COL4A3: variants seen among roughly 807,000 people sequenced by gnomAD.
COL4A3 encodes the protein collagen type IV alpha 3 chain.
COL4A3 carries 135 observed loss-of-function variants against 217.4 expected under a neutral mutation model. The observed-to-expected ratio is 0.62, with a 90% CI of 0.54 to 0.72. COL4A3 has a LOEUF of 0.72. COL4A3 is among the 30% of genes least tolerant of loss of function. The pLI, the probability that COL4A3 is intolerant of heterozygous loss-of-function variation, is 0.00. For synonymous variants in COL4A3, 690 were observed against 736.3 expected (o/e 0.94, Z 1.02); for missense variants, 1,868 against 2,119.9 (o/e 0.88, Z 2.33).
chr2:227,283,049 T>C lies in COL4A3; in HGVS notation c.2656+517T>C, dbSNP rs547272935. Among the ~76,000 whole-genome samples the C allele has an allele frequency of 1.2e-4, 19 of 152,370 alleles. No homozygotes were observed. The South Asian group carries it at 3.9e-3, about 32-fold the overall frequency. ...TGACTAATTCAATCTCTTCATTTCT[T>C]ATAGGTATATTCAGGTTTTCTATTT... On this transcript the variant is annotated intron_variant, in intron 32 of 51. Coordinates refer to ENST00000396578, the MANE Select transcript of COL4A3 (RefSeq NM_000091.5).
chr2:227,270,416 T>C (rs760554777), intron 24 of COL4A3, among the ~76,000 whole-genome samples: 9 of 152,190 alleles, frequency 5.9e-5, no homozygotes, highest in Non-Finnish European at 8.8e-5. Context: ...TTGACTGTCA[T>C]AGTGAATCAA....
rs577049888 is a variant in COL4A3, at chr2:227,236,807, C to T, written c.88-1161C>T. Among the ~76,000 whole-genome samples the T allele has an allele frequency of 1.5e-3, 224 of 152,032 alleles. 1 individual carries two copies. Among genetic ancestry groups the T allele is most frequent in the Non-Finnish European group, 2.0e-3 (136 of 67,990 alleles). ...CTGGAGTAGCTGGAATTACAGGAGC[C>T]CACCACCACACCCAGCTGATTTTTA... On this transcript the variant is annotated intron_variant, in intron 1 of 51. Transcript: ENST00000396578.
chr2:227,279,732 C>T, intron 28 of COL4A3, 61 bp from the exon 29 acceptor site: 1 of 1,172,290 alleles, frequency 8.5e-7, no homozygotes, highest in Non-Finnish European at 1.2e-6. Context: ...AAGAGAGTTA[C>T]TGCTCAGAAT....
chr2:227,288,514 A>G (rs531495763), intron 34 of COL4A3, among the ~76,000 whole-genome samples: 1 of 152,332 alleles, frequency 6.6e-6, no homozygotes, highest in South Asian at 2.1e-4. Flanking sequence ...TTCAAATCCA[A>G]GTGTTATTAA....
At chr2:227,181,011 T>C (rs1053781428) in intron 1 of COL4A3, among the ~76,000 whole-genome samples, 1 of 152,182 alleles carries the variant, frequency 6.6e-6, no homozygotes, top group South Asian at 2.1e-4. Flanking sequence ...GATTAAAAAA[T>C]GAGCAGAGTA....
chr2:227,203,261 ATATATGTG>A (rs1264469280), intron 1 of COL4A3, among the ~76,000 whole-genome samples: 5 of 32,932 alleles, frequency 1.5e-4, no homozygotes, highest in Non-Finnish European at 3.8e-4. Flanking sequence ...GTATATATAC[ATATATGTG>A]TATATATGTG....
chr2:227,257,733 CTG>C (rs2070279718), intron 18 of COL4A3, 89 bp downstream of exon 18: 2 of 1,131,868 alleles, frequency 1.8e-6, no homozygotes, highest in Non-Finnish European at 1.3e-6. Flanking sequence ...CTCTCATTAA[CTG>C]TGTGAGAGAG....
chr2:227,261,223 C>A, intron 20 of COL4A3, 106 bp downstream of exon 20: 1 of 1,041,876 alleles, frequency 9.6e-7, no homozygotes, highest in Non-Finnish European at 1.5e-6. Flanking sequence ...GTTTCATTAA[C>A]TGATCTAGAA....
chr2:227,305,760 G>T (rs1410202397), intron 47 of COL4A3: 2 of 152,004 alleles, frequency 1.3e-5, no homozygotes, highest in South Asian at 2.1e-4. Context: ...CTGAACATAT[G>T]CTGTATGTGT....
At chr2:227,247,330 T>G (rs1039551318) in intron 7 of COL4A3, among the ~76,000 whole-genome samples, 3 of 152,056 alleles carry the variant, frequency 2.0e-5, no homozygotes, top group African/African-American at 7.2e-5. Context: ...GATTTGGAAC[T>G]GAGGAATGGG....
At chr2:227,181,355 G>C (rs2065862477) in intron 1 of COL4A3, among the ~76,000 whole-genome samples, 3 of 152,180 alleles carry the variant, frequency 2.0e-5, no homozygotes, top group Admixed American at 2.0e-4. Context: ...ACTTATGTGT[G>C]ATGCACTCTT....
At chr2:227,225,074 G>A (rs1274478060) in intron 1 of COL4A3, among the ~76,000 whole-genome samples, 1 of 152,124 alleles carries the variant, frequency 6.6e-6, no homozygotes, top group African/African-American at 2.4e-5. Flanking sequence ...ACCATGCCTG[G>A]CTAATTTTTT....
intron 4 of COL4A3, 35 bp downstream of exon 4, chr2:227,244,399 A>C (rs751832791): frequency 1.3e-6 from 2 of 1,595,770 alleles, no homozygotes; most frequent in Admixed American, 3.3e-5. Flanking sequence ...TGATCGTTAA[A>C]AGATCAGCTT....
chr2:227,201,024 C>T (rs2066665693), intron 1 of COL4A3, among the ~76,000 whole-genome samples: 1 of 152,128 alleles, frequency 6.6e-6, no homozygotes, highest in African/African-American at 2.4e-5. Flanking sequence ...TTATATTATT[C>T]ACATTTAATT....
chr2:227,306,018 T>C (rs2073485732), intron 47 of COL4A3, among the ~76,000 whole-genome samples: 1 of 152,228 alleles, frequency 6.6e-6, no homozygotes, highest in Non-Finnish European at 1.5e-5. Context: ...ACTAATTGCA[T>C]AACTACATGT....
chr2:227,260,019 T>C (rs1412960026), intron 19 of COL4A3, 142 bp downstream of exon 19: 1 of 770,420 alleles, frequency 1.3e-6, no homozygotes, highest in East Asian at 2.4e-5. Context: ...GGTGTTATTT[T>C]TTGATGTCTC....
At position 227,253,434 on chromosome 2, in the gene COL4A3, T is replaced by C. The variant is rs750348857; in HGVS notation, c.687+97T>C. The C allele has an allele frequency of 4.8e-6, 7 of 1,452,528 alleles. No individual in the cohort carries two copies. The highest frequency in any genetic ancestry group is 4.6e-5 in the South Asian group (4 of 87,762). The allele number at this position is 1,452,528 out of a possible 1,614,324, so 90.0% of individuals were successfully genotyped here. A position where few individuals can be genotyped will look rare whatever the true frequency, so the allele number is the denominator to read the frequency against. On this transcript the variant is annotated intron_variant, in intron 12 of 51. Transcript: ENST00000396578. This position sits in a 1 kb window ranked among gnomAD's most constrained non-coding sequence, Gnocchi z 4.4. Reference sequence around the variant, plus strand: ...TACTTACGGGCCAAGCTGAAATTGATGGGCCTTCATTTGTTCTATCTTCCC... The same window carrying C: ...TACTTACGGGCCAAGCTGAAATTGACGGGCCTTCATTTGTTCTATCTTCCC...
At chr2:227,167,237 T>C (rs1218341299) in intron 1 of COL4A3, among the ~76,000 whole-genome samples, 2 of 152,264 alleles carry the variant, frequency 1.3e-5, no homozygotes, top group African/African-American at 2.4e-5. Flanking sequence ...AGTTTTACTT[T>C]AGCATTTCTC....
intron 1 of COL4A3, among the ~76,000 whole-genome samples, chr2:227,198,944 G>A (rs758081131): frequency 6.6e-6 from 1 of 152,164 alleles, no homozygotes; most frequent in Non-Finnish European, 1.5e-5. Context: ...ATGAAGTGAA[G>A]GATGGCTGGA....
Sources: allele counts gnomAD v4.1 joint callset (sites outside exome capture counted in the v4.1 genomes callset), GRCh38; gene constraint gnomAD v4.1.1; non-coding constraint Gnocchi (gnomAD v3.1); transcripts MANE v1.5; gene names NCBI Gene and HGNC (gene_info 2026-07-23, HGNC 2026-07-21).